BORCS5: variants seen among roughly 807,000 people sequenced by gnomAD.
The protein encoded by BORCS5 is BLOC-1 related complex subunit 5.
Under a neutral mutation model 22.1 loss-of-function variants are expected in BORCS5, and 17 were observed. The ratio of observed to expected loss-of-function variants is 0.77; its 90% CI spans 0.53 to 1.15. The LOEUF is 1.15. Ranked by LOEUF, BORCS5 falls within the 50% of genes most tolerant of loss-of-function variation. The probability of loss-of-function intolerance (pLI) is 0.00; values close to 1 mark genes in which losing one functional copy is unlikely to be tolerated. For missense variants in BORCS5, 247 were observed against 253.2 expected (o/e 0.98, Z 0.17); for synonymous variants, 117 against 99.8 (o/e 1.17, Z -1.03).
intron 2 of BORCS5, among the ~76,000 whole-genome samples, chr12:12,413,144 T>A (rs1269820214): frequency 1.5e-5 from 1 of 65,896 alleles, no homozygotes; most frequent in Non-Finnish European, 2.9e-5. Context: ...CATTCTTGGG[T>A]GTTTCTCGCA....
At chr12:12,443,391 A>T (rs531462505) in intron 3 of BORCS5, among the ~76,000 whole-genome samples, 1 of 152,252 alleles carries the variant, frequency 6.6e-6, no homozygotes, top group Admixed American at 6.5e-5. Context: ...TTGAAACCTT[A>T]CAGTGTAATT....
intron 2 of BORCS5, among the ~76,000 whole-genome samples, chr12:12,394,930 C>G (rs1221394231): frequency 1.3e-5 from 2 of 152,056 alleles, no homozygotes; most frequent in Non-Finnish European, 2.9e-5. Flanking sequence ...GGTTAGACAA[C>G]TTGCTCATCT....
intron 2 of BORCS5, among the ~76,000 whole-genome samples, chr12:12,431,792 C>T (rs376842392): frequency 4.6e-5 from 7 of 151,688 alleles, no homozygotes; most frequent in East Asian, 3.9e-4. Flanking sequence ...CTCCCGGGTT[C>T]GAGAGATTCT....
intron 3 of BORCS5, among the ~76,000 whole-genome samples, chr12:12,464,790 A>G (rs1943169744): frequency 1.3e-5 from 2 of 152,128 alleles, no homozygotes; most frequent in South Asian, 4.2e-4. Flanking sequence ...AGAAGGGCAC[A>G]TGAGATAGTC....
chr12:12,413,589 C>T (rs1014088014), intron 2 of BORCS5, among the ~76,000 whole-genome samples: 30 of 142,320 alleles, frequency 2.1e-4, no homozygotes, highest in African/African-American at 7.6e-4. Context: ...CCCAATGAGC[C>T]GCTGGGCACA....
chr12:12,376,035 C>T (rs1229279517), intron 2 of BORCS5, among the ~76,000 whole-genome samples: 1 of 152,094 alleles, frequency 6.6e-6, no homozygotes, highest in Non-Finnish European at 1.5e-5. Flanking sequence ...AAACTCCTGA[C>T]CTCATGATCC....
At chr12:12,442,083 G>A (rs1414412109) in intron 3 of BORCS5, among the ~76,000 whole-genome samples, 1 of 152,212 alleles carries the variant, frequency 6.6e-6, no homozygotes, top group African/African-American at 2.4e-5. Context: ...TTCCTCCCCA[G>A]GTGTGGTTTC....
Position 12,370,779 on chromosome 12 carries a change from C to T in BORCS5, c.202+9430C>T, listed in dbSNP as rs186501547. On this transcript the variant is annotated intron_variant, in intron 2 of 3. Coordinates refer to ENST00000314565, the MANE Select transcript of BORCS5 (RefSeq NM_058169.6). ...CCTTTTTTTTTTGGAGATGGAGTCT[C>T]GCTCTGTGGCCCAGGCTGGAGTGCA... 1.9e-3 allele frequency among the ~76,000 whole-genome samples: 286 copies of T among 151,850 alleles called. 2 individuals are homozygous for T. The highest frequency in any genetic ancestry group is 5.8e-3 in the African/African-American group (239 of 41,406).
intron 2 of BORCS5, among the ~76,000 whole-genome samples, chr12:12,430,503 G>T (rs1247396825): frequency 6.6e-6 from 1 of 152,170 alleles, no homozygotes; most frequent in African/African-American, 2.4e-5. Flanking sequence ...GAGAATTAAA[G>T]ATGAGGTTTT....
chr12:12,414,732 A>G (rs1226948341), intron 2 of BORCS5, among the ~76,000 whole-genome samples: 2 of 131,634 alleles, frequency 1.5e-5, no homozygotes, highest in African/African-American at 6.0e-5. Context: ...TGCCGGGCGG[A>G]GACGCTCCTC....
intron 2 of BORCS5, among the ~76,000 whole-genome samples, chr12:12,404,682 T>A (rs1941553709): frequency 6.6e-6 from 1 of 152,166 alleles, no homozygotes; most frequent in Non-Finnish European, 1.5e-5. Flanking sequence ...TGTGGAGAAC[T>A]ACTTTTTTGT....
At chr12:12,404,008 TGAAGG>T (rs1478198129) in intron 2 of BORCS5, among the ~76,000 whole-genome samples, 18 of 152,178 alleles carry the variant, frequency 1.2e-4, no homozygotes, top group Non-Finnish European at 2.6e-4. Flanking sequence ...TTCAAAAGGC[TGAAGG>T]CAAGTGATTT....
rs899506104 is a variant in BORCS5 at position 12,387,689 on chromosome 12, C to T, written c.202+26340C>T. ...AAGTAGCTTTTTTGGCAGCCACATG[C>T]ACTTGAGTCATATCGAATCATCTAA... On this transcript the variant is annotated intron_variant, in intron 2 of 3. Transcript: ENST00000314565. 1.2e-4 allele frequency among the ~76,000 whole-genome samples: 18 copies of T among 151,522 alleles called. 1 individual carries two copies. Among genetic ancestry groups the T allele is most frequent in the African/African-American group, 4.4e-4 (18 of 41,322 alleles).
intron 2 of BORCS5, among the ~76,000 whole-genome samples, chr12:12,408,265 A>G (rs1204259694): frequency 6.6e-6 from 1 of 152,226 alleles, no homozygotes; most frequent in Non-Finnish European, 1.5e-5. Context: ...GAACATTGAT[A>G]CATAAATATC....
rs143811339 is a variant in BORCS5 at position 12,375,520 on chromosome 12, T to C, written c.202+14171T>C. On this transcript the variant is annotated intron_variant, in intron 2 of 3. Transcript: ENST00000314565. ...TGGTAATCCCAGCTACTTAGGAGGC[T>C]GAGATGGGAAGCTCTCTTGATTCCA... Among the ~76,000 whole-genome samples the C allele has an allele frequency of 1.6e-3, 247 of 152,328 alleles. 1 individual carries two copies. The highest frequency in any genetic ancestry group is 5.8e-3 in the African/African-American group (243 of 41,582).
intron 1 of BORCS5, among the ~76,000 whole-genome samples, chr12:12,359,523 G>C (rs1863227830): frequency 2.0e-5 from 3 of 152,014 alleles, no homozygotes; most frequent in Admixed American, 6.6e-5. Context: ...CACCACGCCT[G>C]GATAATTTTT....
At chr12:12,418,418 A>G (rs1438580676) in intron 2 of BORCS5, among the ~76,000 whole-genome samples, 1 of 151,822 alleles carries the variant, frequency 6.6e-6, no homozygotes, top group Admixed American at 6.6e-5. Context: ...AGCTACAGTA[A>G]CTCACTCCTA....
intron 2 of BORCS5, among the ~76,000 whole-genome samples, chr12:12,388,987 A>G (rs1863941721): frequency 2.0e-5 from 3 of 150,882 alleles, no homozygotes; most frequent in Admixed American, 2.0e-4. Flanking sequence ...CCCTACTTTT[A>G]CTTTGGTGAC....
chr12:12,429,811 C>T (rs1942375889), intron 2 of BORCS5, among the ~76,000 whole-genome samples: 1 of 152,182 alleles, frequency 6.6e-6, no homozygotes, highest in Non-Finnish European at 1.5e-5. Context: ...TGTAGCCTTC[C>T]TCCACTTCAT....
Sources: gnomAD v4.1 joint callset for allele counts (sites outside exome capture counted in the v4.1 genomes callset) on GRCh38, gnomAD v4.1.1 for gene constraint, MANE v1.5 for transcripts, NCBI Gene and HGNC (gene_info 2026-07-23, HGNC 2026-07-21) for gene names.